Variants in RUSC2 observed in about 807,000 individuals in gnomAD.
RUSC2 encodes the protein AP-4 complex accessory subunit RUSC2.
A neutral mutation model predicts 122.2 loss-of-function variants in RUSC2; 34 were observed. The observed-to-expected ratio is 0.28, with a 90% CI of 0.21 to 0.37. RUSC2 has a LOEUF of 0.37. Among genes scored for constraint, RUSC2 ranks in the 10% least tolerant of loss-of-function variants. RUSC2 has a pLI of 1.00. For synonymous variants in RUSC2, 784 were observed against 790.0 expected (o/e 0.99, Z 0.13); for missense variants, 1,747 against 1,952.4 (o/e 0.89, Z 1.98).
intron 1 of RUSC2, among the ~76,000 whole-genome samples, chr9:35,493,946 A>G (rs1820619870): frequency 6.6e-6 from 1 of 152,126 alleles, no homozygotes; most frequent in Non-Finnish European, 1.5e-5. Flanking sequence ...GAGTGTACAG[A>G]TATGTTTGAG....
At chr9:35,542,456 A>G (rs1821659581) in intron 1 of RUSC2, among the ~76,000 whole-genome samples, 1 of 152,228 alleles carries the variant, frequency 6.6e-6, no homozygotes, top group Admixed American at 6.5e-5. Context: ...ATAAATTAAA[A>G]ACTATTTATC....
intron 1 of RUSC2, among the ~76,000 whole-genome samples, chr9:35,539,394 A>G (rs1379738343): frequency 6.6e-6 from 1 of 151,912 alleles, no homozygotes; most frequent in African/African-American, 2.4e-5. Context: ...GGGCATTTCT[A>G]ATGAAGCTTC....
At chr9:35,554,959 G>A (rs1821976059) in intron 2 of RUSC2, 101 bp from the exon 3 acceptor site, 4 of 1,383,876 alleles carry the variant, frequency 2.9e-6, no homozygotes, top group Non-Finnish European at 4.0e-6. Flanking sequence ...CTGCCAGCCA[G>A]GTCCCTGCCC....
At chr9:35,553,481 T>G (rs1315549932) in intron 2 of RUSC2, among the ~76,000 whole-genome samples, 1 of 152,332 alleles carries the variant, frequency 6.6e-6, no homozygotes, top group South Asian at 2.1e-4. Flanking sequence ...AAAGGACAAC[T>G]TTTAATTGCT....
intron 1 of RUSC2, among the ~76,000 whole-genome samples, chr9:35,539,450 T>G (rs1487393922): frequency 6.6e-6 from 1 of 152,074 alleles, no homozygotes; most frequent in Non-Finnish European, 1.5e-5. Context: ...AACAAAGGCT[T>G]AATAGGAGGA....
chr9:35,549,799 A>T (rs1235328659), intron 2 of RUSC2, among the ~76,000 whole-genome samples: 2 of 152,136 alleles, frequency 1.3e-5, no homozygotes, highest in African/African-American at 4.8e-5. Context: ...TTTTAGAGAA[A>T]TGGCTTTTGG....
rs1822180683 is a variant in RUSC2, at chr9:35,561,663, G to A, written c.*281G>A. Reference sequence around the variant, plus strand: ...CCAACCCTTCCATGGGTGAAGACAAGCAAGTCCCCCTGGAGGCGGGTGGCC... The same window carrying A: ...CCAACCCTTCCATGGGTGAAGACAAACAAGTCCCCCTGGAGGCGGGTGGCC... On this transcript the variant is annotated 3_prime_UTR_variant, in exon 12 of 12. Transcript: ENST00000361226. The A allele has an allele frequency of 1.8e-6, 1 of 542,340 alleles. No homozygotes were observed. Among genetic ancestry groups the A allele is most frequent in the Admixed American group, 3.3e-5 (1 of 30,518 alleles). 33.6% of individuals were successfully genotyped at this position (542,340 alleles called of 1,614,324 possible).
chr9:35,516,000 A>C, intron 1 of RUSC2, among the ~76,000 whole-genome samples: 1 of 74,748 alleles, frequency 1.3e-5, no homozygotes, highest in East Asian at 4.9e-4. Flanking sequence ...TTCTTGTCTC[A>C]AAAAAAAAAA....
In RUSC2 at chr9:35,548,221, G is replaced by A; in HGVS notation, c.1700G>A (p.Gly567Glu). Residue 567 changes from glycine to glutamate, a missense_variant, in exon 2 of 12, where the codon GGG becomes GAG. Transcript: ENST00000361226. The surrounding 1 kb of genome is among the most constrained non-coding windows in gnomAD (Gnocchi z 4.5). ...TCGCCCCCACTTCGTGTGAGTGTTG[G>A]GGACTCCTCCCAGGAGTTCTCACCC... ...SGSPPLRVSV[G>E]DSSQEFSPIQ... is the part of the protein sequence containing the mutation. The A allele has an allele frequency of 6.2e-7, 1 of 1,613,436 alleles. No homozygotes were observed. The highest frequency in any genetic ancestry group is 8.5e-7 in the Non-Finnish European group (1 of 1,179,942).
chr9:35,549,229 G>A (rs1209071737), intron 2 of RUSC2: 1 of 985,024 alleles, frequency 1.0e-6, no homozygotes, highest in Non-Finnish European at 1.2e-6. Flanking sequence ...AGTTTGCAGT[G>A]CCTAAGGGGC....
rs1234898562 is a variant in RUSC2, at chr9:35,557,761, G to T, written c.2984-153G>T. 1.3e-5 allele frequency among the ~76,000 whole-genome samples: 2 copies of T among 152,216 alleles called. No individual in the cohort carries two copies. Among genetic ancestry groups the T allele is most frequent in the African/African-American group, 4.8e-5 (2 of 41,460 alleles). On this transcript the variant is annotated intron_variant, in intron 5 of 11. Coordinates refer to ENST00000361226, the MANE Select transcript of RUSC2 (RefSeq NM_014806.5). This position sits in a 1 kb window ranked among gnomAD's most constrained non-coding sequence, Gnocchi z 4.6. ...AAGAACTGGGCAGAACCAGAAAAGGGCCAGGCCTGAATGTTTTGATAAGAC... is the reference window on the plus strand; with the variant it reads ...AAGAACTGGGCAGAACCAGAAAAGGTCCAGGCCTGAATGTTTTGATAAGAC...
chr9:35,518,939 G>A (rs1228215611), intron 1 of RUSC2, among the ~76,000 whole-genome samples: 1 of 152,152 alleles, frequency 6.6e-6, no homozygotes, highest in Admixed American at 6.5e-5. Flanking sequence ...GCCAATTTGT[G>A]TGTGTGTATG....
At position 35,557,598 on chromosome 9, in the gene RUSC2, G is replaced by A. The variant is rs1410865846; in HGVS notation, c.2984-316G>A. ...TGGGTTTTCTTCAGGTCAGTGGCCC[G>A]GTTTCTCAGAGTGGAGAAAACCGAT... On this transcript the variant is annotated intron_variant, in intron 5 of 11. Transcript: ENST00000361226. This position sits in a 1 kb window ranked among gnomAD's most constrained non-coding sequence, Gnocchi z 4.6. 6.6e-6 allele frequency among the ~76,000 whole-genome samples: 1 copy of A among 152,130 alleles called. No homozygotes were observed. The highest frequency in any genetic ancestry group is 2.4e-5 in the African/African-American group (1 of 41,430).
intron 1 of RUSC2, among the ~76,000 whole-genome samples, chr9:35,535,744 G>A (rs1215184102): frequency 2.0e-5 from 3 of 151,564 alleles, no homozygotes; most frequent in Non-Finnish European, 4.4e-5. Flanking sequence ...GTTTCACTGT[G>A]TTAGCCAGGA....
intron 1 of RUSC2, chr9:35,538,629 G>C (rs1322126): frequency 0.43 from 65,766 of 152,326 alleles, 15,585 homozygotes; most frequent in Admixed American, 0.55. Flanking sequence ...GCTCTGCCCA[G>C]ACATCTTCCC....
chr9:35,497,160 G>C (rs1820734565), intron 1 of RUSC2, among the ~76,000 whole-genome samples: 2 of 152,148 alleles, frequency 1.3e-5, no homozygotes, highest in African/African-American at 4.8e-5. Context: ...GGTGTAGACT[G>C]TTCAGATGCA....
chr9:35,495,115 TTATA>T (rs1327710026), intron 1 of RUSC2, among the ~76,000 whole-genome samples: 10 of 69,588 alleles, frequency 1.4e-4, no homozygotes, highest in Admixed American at 2.4e-4. Flanking sequence ...ATATTATACA[TTATA>T]TACACTATAG....
intron 1 of RUSC2, among the ~76,000 whole-genome samples, chr9:35,492,725 G>A (rs1277664724): frequency 6.6e-6 from 1 of 151,856 alleles, no homozygotes; most frequent in Non-Finnish European, 1.5e-5. Flanking sequence ...TTCTTAAGTG[G>A]CATTAAATAT....
intron 2 of RUSC2, among the ~76,000 whole-genome samples, chr9:35,550,345 G>A (rs1821863821): frequency 6.6e-6 from 1 of 152,120 alleles, no homozygotes; most frequent in African/African-American, 2.4e-5. Flanking sequence ...GCTGGCACTT[G>A]CTGGGCGTGG....
Sources: allele counts gnomAD v4.1 joint callset (sites outside exome capture counted in the v4.1 genomes callset), GRCh38; gene constraint gnomAD v4.1.1; non-coding constraint Gnocchi (gnomAD v3.1); transcripts MANE v1.5; gene names NCBI Gene and HGNC (gene_info 2026-07-23, HGNC 2026-07-21).